Variants in KDM4B observed in about 807,000 individuals in gnomAD.
The protein encoded by KDM4B is lysine demethylase 4B.
KDM4B carries 32 observed loss-of-function variants against 125.2 expected under a neutral mutation model. The observed-to-expected ratio is 0.26, with a 90% CI of 0.19 to 0.34. KDM4B has a LOEUF of 0.34. Ranked by LOEUF, KDM4B falls within the 10% of genes least tolerant of loss-of-function variation. The pLI is 1.00. For synonymous variants in KDM4B, 721 were observed against 677.9 expected, an observed-to-expected ratio of 1.06 and a Z score of -0.99; for missense variants, 1,190 against 1,577.7, an observed-to-expected ratio of 0.75 and a Z score of 4.16.
intron 6 of KDM4B, among the ~76,000 whole-genome samples, chr19:5,055,383 A>G (rs745410584): frequency 5.4e-4 from 82 of 152,202 alleles, no homozygotes; most frequent in Admixed American, 1.6e-3. Flanking sequence ...AGCAATTTTC[A>G]TATCGCCTTT....
chr19:5,000,391 A>G (rs1327596866), intron 1 of KDM4B, among the ~76,000 whole-genome samples: 4 of 133,742 alleles, frequency 3.0e-5, no homozygotes, highest in African/African-American at 1.6e-4. Context: ...CTATCCATCC[A>G]TCTGTCTGTC....
intron 9 of KDM4B, among the ~76,000 whole-genome samples, chr19:5,101,541 ACAAAACCC>A (rs907077127): frequency 3.0e-4 from 46 of 151,752 alleles, no homozygotes; most frequent in Non-Finnish European, 5.7e-4. Flanking sequence ...AAAAAAAAAA[ACAAAACCC>A]CAAAACCCAA....
intron 2 of KDM4B, among the ~76,000 whole-genome samples, chr19:5,029,567 C>T (rs1175209058): frequency 6.6e-6 from 1 of 152,242 alleles, no homozygotes; most frequent in East Asian, 1.9e-4. Context: ...TGGCTCATCC[C>T]TGTAATGCCA....
At position 5,143,063 on chromosome 19, in the gene KDM4B, C is replaced by T. The variant is rs184287731; in HGVS notation, c.2551-904C>T. On this transcript the variant is annotated intron_variant, in intron 18 of 22. Coordinates refer to ENST00000159111, the MANE Select transcript of KDM4B (RefSeq NM_015015.3). ...TGTAAAGGACCTGCGCGATGGCTCA[C>T]GCCTGTAATCCCAGCACTTTAGGAG... is the stretch of plus-strand genomic sequence containing the variant. Among the ~76,000 whole-genome samples the T allele has an allele frequency of 6.6e-5, 10 of 152,180 alleles. No homozygotes were observed. In the East Asian group the frequency reaches 1.6e-3, roughly 24 times the overall value.
At chr19:4,974,470 G>A (rs2034374416) in intron 1 of KDM4B, among the ~76,000 whole-genome samples, 1 of 151,984 alleles carries the variant, frequency 6.6e-6, no homozygotes, top group African/African-American at 2.4e-5. Context: ...CAGGTGTGGT[G>A]GCTCACGCCT....
At chr19:5,148,122 G>A (rs1274543132) in intron 21 of KDM4B, among the ~76,000 whole-genome samples, 1 of 152,252 alleles carries the variant, frequency 6.6e-6, no homozygotes, top group African/African-American at 2.4e-5. Context: ...TCTGAGACGT[G>A]CCGGGCAAGA....
intron 2 of KDM4B, among the ~76,000 whole-genome samples, chr19:5,031,792 G>A (rs145788415): frequency 1.2e-3 from 180 of 152,324 alleles, no homozygotes; most frequent in African/African-American, 4.2e-3. Context: ...TCTAGTGCCC[G>A]CAGTGGGGAG....
intron 6 of KDM4B, among the ~76,000 whole-genome samples, chr19:5,068,213 G>A (rs1431030378): frequency 6.6e-6 from 1 of 152,122 alleles, no homozygotes; most frequent in Non-Finnish European, 1.5e-5. Flanking sequence ...CCTGGGCGGA[G>A]GACCCTGCTG....
At chr19:5,106,248 TTGTG>T (rs35386151) in intron 9 of KDM4B, among the ~76,000 whole-genome samples, 6 of 151,278 alleles carry the variant, frequency 4.0e-5, no homozygotes, top group East Asian at 3.9e-4. Flanking sequence ...GTTAGAGTCA[TTGTG>T]TGTGTGTGTG....
intron 11 of KDM4B, among the ~76,000 whole-genome samples, chr19:5,123,570 C>T (rs1286551098): frequency 1.3e-5 from 2 of 152,256 alleles, no homozygotes; most frequent in Non-Finnish European, 1.5e-5. Flanking sequence ...CACCATTCAA[C>T]AGCACAGGGA....
chr19:5,117,797 C>T (rs949397835), intron 10 of KDM4B, among the ~76,000 whole-genome samples: 12 of 152,164 alleles, frequency 7.9e-5, no homozygotes, highest in Admixed American at 6.5e-4. Flanking sequence ...CACCCCGCAG[C>T]GACCTTGTGT....
At chr19:5,138,096 C>T (rs759464891) in intron 18 of KDM4B, 26 bp downstream of exon 18, 1 of 1,558,924 alleles carries the variant, frequency 6.4e-7, no homozygotes, top group Admixed American at 1.7e-5. Flanking sequence ...CGAGGCCCAC[C>T]CTGCCCGTGC....
intron 1 of KDM4B, among the ~76,000 whole-genome samples, chr19:5,000,929 C>T (rs969612887): frequency 1.3e-5 from 2 of 152,176 alleles, no homozygotes; most frequent in African/African-American, 4.8e-5. Context: ...CCCCCTTTCT[C>T]CTCCCCATTC....
chr19:5,134,105 G>A (rs1335682154), intron 14 of KDM4B, 44 bp downstream of exon 14: 1 of 1,541,120 alleles, frequency 6.5e-7, no homozygotes, highest in Admixed American at 1.8e-5. Flanking sequence ...CCCAGGCAGG[G>A]GCGGTGGGAG....
chr19:5,085,641 G>A (rs1005031408), intron 9 of KDM4B, among the ~76,000 whole-genome samples: 4 of 152,224 alleles, frequency 2.6e-5, no homozygotes, highest in Non-Finnish European at 5.9e-5. Context: ...CCAGGCAGGC[G>A]CCCAGGGCCT....
chr19:5,025,289 C>T (rs1398087958), intron 2 of KDM4B, among the ~76,000 whole-genome samples: 2 of 152,240 alleles, frequency 1.3e-5, no homozygotes, highest in Admixed American at 1.3e-4. Flanking sequence ...GCCCTGGTCT[C>T]CCAGCTTCCT....
intron 9 of KDM4B, among the ~76,000 whole-genome samples, chr19:5,083,846 G>T (rs1231031972): frequency 6.6e-6 from 1 of 152,186 alleles, no homozygotes; most frequent in African/African-American, 2.4e-5. Flanking sequence ...CCAGAGCCGG[G>T]GTCAGCACAA....
chr19:4,982,452 C>CAA (rs773410154), intron 1 of KDM4B, among the ~76,000 whole-genome samples: 39 of 53,406 alleles, frequency 7.3e-4, no homozygotes, highest in African/African-American at 1.5e-3. Context: ...GACTCCGTCT[C>CAA]AAAAAAAAAA....
At position 5,024,734 on chromosome 19, in the gene KDM4B, AG is replaced by A. The variant is rs202039002; in HGVS notation, c.-25-8130del. ...GGGAGGCCGAGGTGGGTGGATCATG[AG>A]GTCAGGAGTTGGAGACCAGCCTGAC... On this transcript the variant is annotated intron_variant, in intron 2 of 22. Coordinates refer to ENST00000159111, the MANE Select transcript of KDM4B (RefSeq NM_015015.3). 9.9e-3 allele frequency among the ~76,000 whole-genome samples: 1,510 copies of A among 152,128 alleles called. 20 individuals carry two copies. Among genetic ancestry groups the A allele is most frequent in the African/African-American group, 0.034 (1,416 of 41,500 alleles).
Sources: gnomAD v4.1 joint callset for allele counts (sites outside exome capture counted in the v4.1 genomes callset) on GRCh38, gnomAD v4.1.1 for gene constraint, MANE v1.5 for transcripts, NCBI Gene and HGNC (gene_info 2026-07-23, HGNC 2026-07-21) for gene names.